The following MBTPS1 variants were observed in gnomAD, a reference collection of about 807,000 sequenced individuals.
MBTPS1 encodes the protein membrane bound transcription factor peptidase, site 1.
Under a neutral mutation model 127.8 loss-of-function variants are expected in MBTPS1, and 94 were observed. The ratio of observed to expected loss-of-function variants is 0.74; its 90% confidence interval spans 0.62 to 0.87. MBTPS1 has a LOEUF of 0.87. Among genes scored for constraint, MBTPS1 ranks in the 40% least tolerant of loss-of-function variants. The pLI is 0.00. For synonymous variants in MBTPS1, 632 were observed against 509.4 expected, an observed-to-expected ratio of 1.24 and a Z score of -3.24; for missense variants, 1,636 against 1,353.2, an observed-to-expected ratio of 1.21 and a Z score of -3.28.
intron 1 of MBTPS1, among the ~76,000 whole-genome samples, chr16:84,115,739 T>C (rs1490865073): frequency 2.0e-5 from 3 of 152,150 alleles, no homozygotes; most frequent in African/African-American, 4.8e-5. Context: ...GAAATGGGCA[T>C]TGACTACAAC....
rs2085517426 is a variant in MBTPS1, at chr16:84,056,068, A to C, written c.2899T>G (p.Ser967Ala). 6.2e-7 allele frequency: 1 copy of C among 1,614,156 alleles called. No individual in the cohort carries two copies. The change falls in exon 22 of 23, where the codon TCG becomes GCG. Residue 967 changes from serine (S) to alanine (A), a missense_variant. Ser to Ala is a moderately conservative substitution (Grantham distance 99, BLOSUM62 1). Coordinates refer to ENST00000343411, the MANE Select transcript of MBTPS1 (RefSeq NM_003791.4). ...AAGGGCCTCACTTGAGGGCGATTCGATCGAAAGTTGGGTAACACCACCTTG... is the reference window on the plus strand; with the variant it reads ...AAGGGCCTCACTTGAGGGCGATTCGCTCGAAAGTTGGGTAACACCACCTTG... ...LDKVVLPNFRSNRPQVRPLSP... is the reference protein window; with the variant it reads ...LDKVVLPNFRANRPQVRPLSP...
chr16:84,054,690 T>C (rs905515011), intron 22 of MBTPS1, 45 bp from the exon 23 acceptor site: 9 of 1,435,020 alleles, frequency 6.3e-6, no homozygotes, highest in Non-Finnish European at 8.4e-6. Flanking sequence ...GCCACAGAGC[T>C]ACCATGACGG....
At chr16:84,060,632 G>C (rs2085595595) in intron 20 of MBTPS1, 50 bp downstream of exon 20, 2 of 1,591,910 alleles carry the variant, frequency 1.3e-6, no homozygotes, top group African/African-American at 1.3e-5. Flanking sequence ...GTAGCATCAT[G>C]TTCAGCTGGA....
At position 84,056,080 on chromosome 16, in the gene MBTPS1, G is replaced by T. The variant is rs775753866; in HGVS notation, c.2887C>A (p.Pro963Thr). ...TGAGGGCGATTCGATCGAAAGTTGG[G>T]TAACACCACCTTGTCCAGGTCAATG... ...LSIDLDKVVL[P>T]NFRSNRPQVR... Residue 963 changes from proline (P) to threonine (T), a missense_variant, in exon 22 of 23, where the codon CCC (proline) becomes ACC (threonine). Transcript: ENST00000343411. 1.2e-6 allele frequency: 2 copies of T among 1,614,072 alleles called. No homozygotes were observed. The highest frequency in any genetic ancestry group is 2.2e-5 in the South Asian group (2 of 91,082).
At chr16:84,063,714 A>G (rs1311977820) in intron 18 of MBTPS1, among the ~76,000 whole-genome samples, 2 of 152,158 alleles carry the variant, frequency 1.3e-5, no homozygotes, top group African/African-American at 2.4e-5. Context: ...ATGGCAGTAC[A>G]TAATATTTAC....
At chr16:84,074,245 T>A (rs1391390954) in intron 12 of MBTPS1, among the ~76,000 whole-genome samples, 1 of 152,030 alleles carries the variant, frequency 6.6e-6, no homozygotes, top group South Asian at 2.1e-4. Flanking sequence ...TCCTTTTTTT[T>A]TTTTTCCCAG....
In MBTPS1 at chr16:84,059,353, C is replaced by A; in HGVS notation, c.2780G>T (p.Cys927Phe). Reference sequence around the variant, plus strand: ...TGGCTTGGCCCAAGACAAGCGTGGACAGGCTGGTAGAGGCCGAGGTTTTGG... The same window carrying A: ...TGGCTTGGCCCAAGACAAGCGTGGAAAGGCTGGTAGAGGCCGAGGTTTTGG... ...GDPKPRPLPA[C>F]PRLSWAKPQP... Residue 927 changes from cysteine to phenylalanine, a missense_variant, in exon 21 of 23, where the codon TGT (cysteine) becomes TTT (phenylalanine). Cys to Phe is a radical substitution (Grantham distance 205). Transcript: ENST00000343411. 2 of 1,614,172 alleles carry A rather than the reference C, an allele frequency of 1.2e-6. No homozygotes were observed. The highest frequency in any genetic ancestry group is 1.7e-6 in the Non-Finnish European group (2 of 1,180,002).
At position 84,069,849 on chromosome 16, in the gene MBTPS1, T is replaced by A; in HGVS notation, c.1955+17A>T. The A allele has an allele frequency of 6.2e-7, 1 of 1,606,776 alleles. No individual in the cohort carries two copies. Among genetic ancestry groups the A allele is most frequent in the Non-Finnish European group, 8.5e-7 (1 of 1,177,074 alleles). ...ACGGAGGCTGGGGAGGTGAAGTGCA[T>A]CCTGTGAGGTGCTTACCAGTCTAAA... On this transcript the variant is annotated intron_variant, in intron 14 of 22. Transcript: ENST00000343411.
At chr16:84,081,687 AAAATTCGCCCAGAGCCC>A in intron 11 of MBTPS1, 43 bp downstream of exon 11, 1 of 1,254,496 alleles carries the variant, frequency 8.0e-7, no homozygotes, top group Non-Finnish European at 1.0e-6. Flanking sequence ...GTGCAGAGGG[AAAATTCGCCCAGAGCCC>A]AGTGAAGGAG....
At chr16:84,059,848 T>C (rs4782887) in intron 20 of MBTPS1, 52,163 of 156,154 alleles carry the variant, frequency 0.33, 8,933 homozygotes, top group East Asian at 0.46. Context: ...TTCTTTCTAT[T>C]TCTTAGATCT....
chr16:84,090,686 G>T (rs150644379), intron 8 of MBTPS1, among the ~76,000 whole-genome samples, 189 bp downstream of exon 8: 97 of 152,294 alleles, frequency 6.4e-4, no homozygotes, highest in African/African-American at 2.3e-3. Flanking sequence ...CAACTGCTGA[G>T]GTGAGTGGTG....
At position 84,081,800 on chromosome 16, in the gene MBTPS1, C is replaced by T; in HGVS notation, c.1395G>A (p.Lys465=). The change falls in exon 11 of 23, where the codon AAG becomes AAA. Residue 465 remains lysine (K), a synonymous_variant. Transcript: ENST00000343411. ...TCTGATAGGCTCTGAGCAGATCGAG[C>T]TTGCCGTGGCCTTGCTCAAACATGT... ...GVNMFEQGHG[K]LDLLRAYQIL... 1.3e-6 allele frequency: 2 copies of T among 1,526,090 alleles called. No individual in the cohort carries two copies. Among genetic ancestry groups the T allele is most frequent in the Non-Finnish European group, 1.8e-6 (2 of 1,134,874 alleles). The allele number at this position is 1,526,090 out of a possible 1,614,324, so 94.5% of individuals were successfully genotyped here. A position where few individuals can be genotyped will look rare whatever the true frequency, so the allele number is the denominator to read the frequency against.
At chr16:84,102,994 A>G (rs747811973) in intron 1 of MBTPS1, among the ~76,000 whole-genome samples, 1 of 152,222 alleles carries the variant, frequency 6.6e-6, no homozygotes, top group African/African-American at 2.4e-5. Context: ...TGTGAGGGAA[A>G]CTACTGCTAA....
chr16:84,072,813 T>G (rs1340087912), intron 12 of MBTPS1, among the ~76,000 whole-genome samples: 1 of 151,990 alleles, frequency 6.6e-6, no homozygotes, highest in Admixed American at 6.6e-5. Flanking sequence ...AATCACCCAG[T>G]GAAGGTGTGG....
chr16:84,097,773 G>T (rs1426051673), intron 3 of MBTPS1, among the ~76,000 whole-genome samples: 1 of 151,770 alleles, frequency 6.6e-6, no homozygotes, highest in African/African-American at 2.4e-5. Context: ...AGCAGAAAAG[G>T]CTCTGAAAAA....
chr16:84,054,756 G>C (rs2151137176), intron 22 of MBTPS1, 111 bp from the exon 23 acceptor site: 2 of 794,984 alleles, frequency 2.5e-6, no homozygotes, highest in East Asian at 3.0e-5. Context: ...AATTTCACTA[G>C]CTGGGCTTGC....
At chr16:84,065,121 G>GCT (rs2085662309) in intron 18 of MBTPS1, among the ~76,000 whole-genome samples, 1 of 140,024 alleles carries the variant, frequency 7.1e-6, no homozygotes, top group Non-Finnish European at 1.6e-5. Flanking sequence ...CTTGAAGGTA[G>GCT]TTTTTTTTTT....
At chr16:84,099,979 CAG>C in intron 2 of MBTPS1, among the ~76,000 whole-genome samples, 1 of 152,306 alleles carries the variant, frequency 6.6e-6, no homozygotes, top group Middle Eastern at 3.4e-3. Flanking sequence ...AAAACGAAAA[CAG>C]TAACAAAATT....
intron 2 of MBTPS1, among the ~76,000 whole-genome samples, chr16:84,100,083 C>G (rs1323685479): frequency 6.6e-6 from 1 of 152,224 alleles, no homozygotes; most frequent in African/African-American, 2.4e-5. Context: ...CCCAGCTCCC[C>G]ACCTTCACCA....
Sources: allele counts gnomAD v4.1 joint callset (sites outside exome capture counted in the v4.1 genomes callset), GRCh38; gene constraint gnomAD v4.1.1; transcripts MANE v1.5; gene names NCBI Gene and HGNC (gene_info 2026-07-23, HGNC 2026-07-21).